Variants in TOX observed in about 807,000 individuals in gnomAD.
TOX encodes the protein thymocyte selection associated high mobility group box.
In TOX, 11 loss-of-function variants were observed where a neutral mutation model predicts 53.7. The ratio of observed to expected loss-of-function variants is 0.20; its 90% confidence interval spans 0.13 to 0.34. TOX has a LOEUF of 0.34. TOX is among the 10% of genes least tolerant of loss of function. TOX has a pLI of 1.00. For synonymous variants in TOX, 225 were observed against 245.3 expected, an observed-to-expected ratio of 0.92 and a Z score of 0.77; for missense variants, 570 against 664.6, an observed-to-expected ratio of 0.86 and a Z score of 1.56.
chr8:58,852,185 A>G (rs549295029), intron 3 of TOX, among the ~76,000 whole-genome samples: 3 of 152,156 alleles, frequency 2.0e-5, no homozygotes, highest in East Asian at 3.9e-4. Context: ...TGCTCATTAG[A>G]GTGTCTGTCA....
At chr8:59,004,049 G>C (rs912465133) in intron 1 of TOX, among the ~76,000 whole-genome samples, 1 of 152,188 alleles carries the variant, frequency 6.6e-6, no homozygotes. Context: ...ATTGATTCAA[G>C]AGCAGAATCT....
At chr8:58,971,754 T>A (rs548619532) in intron 1 of TOX, among the ~76,000 whole-genome samples, 10 of 152,252 alleles carry the variant, frequency 6.6e-5, no homozygotes, top group African/African-American at 2.2e-4. Flanking sequence ...AGCAGCGCGA[T>A]CTCAACTCAC....
intron 1 of TOX, among the ~76,000 whole-genome samples, chr8:58,985,656 C>T (rs1306015544): frequency 6.6e-6 from 1 of 152,026 alleles, no homozygotes; most frequent in African/African-American, 2.4e-5. Context: ...GTGTATTTTG[C>T]CACAGTTTTT....
At chr8:59,088,357 C>A (rs1346106607) in intron 1 of TOX, among the ~76,000 whole-genome samples, 1 of 152,142 alleles carries the variant, frequency 6.6e-6, no homozygotes, top group Non-Finnish European at 1.5e-5. Flanking sequence ...GGAAATTCAT[C>A]ATAGGAATTT....
intron 3 of TOX, among the ~76,000 whole-genome samples, chr8:58,873,975 T>TTTTTTTTTTTTTTTTTTTTTTTTG (rs1811242257): frequency 7.4e-6 from 1 of 135,722 alleles, no homozygotes; most frequent in Non-Finnish European, 1.6e-5. Context: ...TTTTTTTTTT[T>TTTTTTTTTTTTTTTTTTTTTTTTG]TTTTTTTTTT....
Position 58,873,958 on chromosome 8 carries a change from C to CTT in TOX, c.412-22155_412-22154dup, listed in dbSNP as rs1173710545. Among the ~76,000 whole-genome samples the CTT allele has an allele frequency of 1.4e-3, 58 of 40,134 alleles. 10 individuals carry two copies. Among genetic ancestry groups the CTT allele is most frequent in the African/African-American group, 4.5e-3 (26 of 5,792 alleles). The allele number at this position is 40,134 out of a possible 152,430, so 26.3% of individuals were successfully genotyped here. A position where few individuals can be genotyped will look rare whatever the true frequency, so the allele number is the denominator to read the frequency against. The stretch of plus-strand genomic sequence containing the variant: ...AATACACATCCTGAATGCCAGGAAG[C>CTT]TTTTTTTTTTTTTTTTTTTTTTTTT... On this transcript the variant is annotated intron_variant, in intron 3 of 8. Transcript: ENST00000361421.
At chr8:58,893,216 C>CG (rs954212859) in intron 3 of TOX, among the ~76,000 whole-genome samples, 6 of 151,948 alleles carry the variant, frequency 3.9e-5, no homozygotes, top group Non-Finnish European at 7.4e-5. Context: ...AATCTCCCCC[C>CG]CACAAAACAC....
chr8:58,868,589 T>C (rs185568690), intron 3 of TOX, among the ~76,000 whole-genome samples: 80 of 152,216 alleles, frequency 5.3e-4, no homozygotes, highest in African/African-American at 1.8e-3. Flanking sequence ...ACTTAAAAAA[T>C]AGTTATTTAA....
chr8:58,857,758 C>G (rs1810939591), intron 3 of TOX, among the ~76,000 whole-genome samples: 1 of 152,038 alleles, frequency 6.6e-6, no homozygotes, highest in African/African-American at 2.4e-5. Flanking sequence ...CACTTTCTTT[C>G]CTTTGATTTT....
chr8:59,040,869 C>T (rs894900525), intron 1 of TOX, among the ~76,000 whole-genome samples: 1 of 152,190 alleles, frequency 6.6e-6, no homozygotes, highest in Non-Finnish European at 1.5e-5. Context: ...TTCTTCCTGG[C>T]TCCTGGCTCC....
chr8:59,110,524 A>ATTAATT (rs1216915271), intron 1 of TOX, among the ~76,000 whole-genome samples: 1 of 152,186 alleles, frequency 6.6e-6, no homozygotes, highest in East Asian at 1.9e-4. Flanking sequence ...TTAATCTTGC[A>ATTAATT]CATTATATTT....
At chr8:59,056,066 A>G (rs892613209) in intron 1 of TOX, among the ~76,000 whole-genome samples, 1 of 152,268 alleles carries the variant, frequency 6.6e-6, no homozygotes, top group Non-Finnish European at 1.5e-5. Context: ...AACATCCCAT[A>G]AAAGGTAGTA....
chr8:58,868,298 A>G (rs1811136646), intron 3 of TOX, among the ~76,000 whole-genome samples: 1 of 152,160 alleles, frequency 6.6e-6, no homozygotes, highest in African/African-American at 2.4e-5. Flanking sequence ...GTATGTCTTT[A>G]TTAGCAGCAT....
intron 1 of TOX, among the ~76,000 whole-genome samples, chr8:59,109,260 A>G (rs1296463908): frequency 6.6e-6 from 1 of 152,138 alleles, no homozygotes; most frequent in Non-Finnish European, 1.5e-5. Context: ...TAACAACCCG[A>G]CACTAATTCA....
chr8:58,833,309 C>T (rs557179948), intron 5 of TOX, among the ~76,000 whole-genome samples: 83 of 152,288 alleles, frequency 5.5e-4, no homozygotes, highest in South Asian at 4.1e-3. Context: ...ACTTAAGAGC[C>T]GGCTTGCCGT....
In TOX at chr8:59,119,029, TA is replaced by T. The variant is rs752039074; in HGVS notation, c.-43del. 95 of 1,431,284 alleles carry T rather than the reference TA, an allele frequency of 6.6e-5. No homozygotes were observed. The highest frequency in any genetic ancestry group is 2.2e-4 in the East Asian group (9 of 40,568). 88.7% of individuals were successfully genotyped at this position (1,431,284 alleles called of 1,614,324 possible). The stretch of plus-strand genomic sequence containing the variant: ...GCAACTCCTTTTCTTTTTCCTTTTT[TA>T]AAAAAAAGTGTTCAGCAAAACAAGC... On this transcript the variant is annotated 5_prime_UTR_variant, in exon 1 of 9. Coordinates refer to ENST00000361421, the MANE Select transcript of TOX (RefSeq NM_014729.3).
chr8:59,044,095 C>T (rs917922107), intron 1 of TOX, among the ~76,000 whole-genome samples: 1 of 152,100 alleles, frequency 6.6e-6, no homozygotes, highest in Non-Finnish European at 1.5e-5. Context: ...TTAAAAACCA[C>T]AGAATTATGC....
At chr8:58,837,014 A>T (rs1025509679) in intron 5 of TOX, among the ~76,000 whole-genome samples, 3 of 152,226 alleles carry the variant, frequency 2.0e-5, no homozygotes, top group African/African-American at 7.2e-5. Flanking sequence ...AGTAGAACAA[A>T]TCAAATAAAT....
In TOX at chr8:58,939,482, G is replaced by C; in HGVS notation, c.231C>G (p.Ser77=). 3.1e-6 allele frequency: 5 copies of C among 1,614,170 alleles called. No homozygotes were observed. The highest frequency in any genetic ancestry group is 4.2e-6 in the Non-Finnish European group (5 of 1,180,012). ...GGTGCACCAGCGAGTGGTCTGGGAG[G>C]GAAGGAGGAGTAATTGGTGGAATGT... ...DFNIPPITPP[S]LPDHSLVHLN... is the part of the protein sequence containing the mutation. Residue 77 remains serine, a synonymous_variant, in exon 3 of 9, where the codon TCC becomes TCG. Transcript: ENST00000361421.
Sources: gnomAD v4.1 joint callset for allele counts (sites outside exome capture counted in the v4.1 genomes callset) on GRCh38, gnomAD v4.1.1 for gene constraint, MANE v1.5 for transcripts, NCBI Gene and HGNC (gene_info 2026-07-23, HGNC 2026-07-21) for gene names.